Variants in LIMCH1 observed in about 807,000 individuals in gnomAD.
The protein encoded by LIMCH1 is LIM and calponin homology domains 1.
LIMCH1 carries 113 observed loss-of-function variants against 176.5 expected under a neutral mutation model. The ratio of observed to expected loss-of-function variants is 0.64; its 90% CI spans 0.55 to 0.75. LIMCH1 has a LOEUF of 0.75. Among genes scored for constraint, LIMCH1 ranks in the 30% least tolerant of loss-of-function variants. LIMCH1 has a pLI of 0.00. For synonymous variants in LIMCH1, 619 were observed against 645.9 expected (o/e 0.96, Z 0.63); for missense variants, 1,674 against 1,814.9 (o/e 0.92, Z 1.41).
At chr4:41,691,592 CAAAAAAAAAA>C (rs796984431) in intron 30 of LIMCH1, among the ~76,000 whole-genome samples, 2 of 62,392 alleles carry the variant, frequency 3.2e-5, no homozygotes, top group Admixed American at 4.0e-4. Context: ...ACTAAAAATA[CAAAAAAAAAA>C]AAAAAAAAAA....
At chr4:41,692,241 T>G (rs368504184) in intron 30 of LIMCH1, 41 bp from the exon 31 acceptor site, 1 of 1,162,208 alleles carries the variant, frequency 8.6e-7, no homozygotes, top group African/African-American at 1.5e-5. Flanking sequence ...AAGAAACAAT[T>G]CCTTATGCAT....
intron 1 of LIMCH1, among the ~76,000 whole-genome samples, chr4:41,478,169 A>G (rs1328790816): frequency 6.6e-6 from 1 of 152,234 alleles, no homozygotes; most frequent in Non-Finnish European, 1.5e-5. Flanking sequence ...AGTACAGAGA[A>G]TTACATGAAA....
At chr4:41,551,170 G>C (rs2080359271) in intron 1 of LIMCH1, 1 of 152,160 alleles carries the variant, frequency 6.6e-6, no homozygotes, top group Non-Finnish European at 1.5e-5. Context: ...TAAAGTCATT[G>C]TCAAGGCAGC....
At chr4:41,677,813 A>G (rs866391634) in intron 23 of LIMCH1, among the ~76,000 whole-genome samples, 13 of 152,188 alleles carry the variant, frequency 8.5e-5, no homozygotes, top group African/African-American at 3.1e-4. Context: ...CTTCTACTAC[A>G]TTCCCACTAG....
intron 1 of LIMCH1, among the ~76,000 whole-genome samples, chr4:41,598,424 A>G (rs1394037639): frequency 6.6e-6 from 1 of 152,098 alleles, no homozygotes. Context: ...ATCCACAAAG[A>G]GGTATTACTA....
chr4:41,492,130 C>T (rs1034770012), intron 1 of LIMCH1, among the ~76,000 whole-genome samples: 3 of 152,184 alleles, frequency 2.0e-5, no homozygotes, highest in African/African-American at 7.2e-5. Flanking sequence ...ATTGAGTGAG[C>T]GAGACTCCGT....
chr4:41,596,855 G>C (rs914886701), intron 1 of LIMCH1, among the ~76,000 whole-genome samples: 1 of 152,130 alleles, frequency 6.6e-6, no homozygotes, highest in African/African-American at 2.4e-5. Flanking sequence ...TGTGAACAAT[G>C]GCATCTCTTG....
intron 7 of LIMCH1, among the ~76,000 whole-genome samples, chr4:41,624,153 C>CT (rs1001828291): frequency 8.2e-4 from 125 of 152,048 alleles, no homozygotes; most frequent in African/African-American, 2.7e-3. Flanking sequence ...GAGAAGTAAA[C>CT]TTTTTTTTGA....
intron 18 of LIMCH1, among the ~76,000 whole-genome samples, chr4:41,651,002 AT>A (rs1354816226): frequency 1.3e-5 from 2 of 150,894 alleles, no homozygotes; most frequent in Non-Finnish European, 2.9e-5. Context: ...TCCCTATTTT[AT>A]TTTATTTTAT....
intron 1 of LIMCH1, among the ~76,000 whole-genome samples, chr4:41,487,931 T>TC (rs2070001762): frequency 6.7e-6 from 1 of 148,524 alleles, no homozygotes; most frequent in African/African-American, 2.5e-5. Context: ...TTTTTTTTTT[T>TC]CTATAGATTC....
At chr4:41,373,405 C>T (rs1183146236) in intron 1 of LIMCH1, among the ~76,000 whole-genome samples, 2 of 152,176 alleles carry the variant, frequency 1.3e-5, no homozygotes, top group Admixed American at 6.5e-5. Context: ...GTCCTGGCAC[C>T]GAAGATAGGA....
intron 1 of LIMCH1, among the ~76,000 whole-genome samples, chr4:41,590,696 A>T (rs2087383100): frequency 6.6e-6 from 1 of 152,168 alleles, no homozygotes; most frequent in Non-Finnish European, 1.5e-5. Context: ...CCCAGCTGCC[A>T]CCTTCTGGGT....
chr4:41,685,716 C>G lies in LIMCH1; in HGVS notation c.3974C>G (p.Ser1325Cys). 2.5e-6 allele frequency: 4 copies of G among 1,613,500 alleles called. No homozygotes were observed. The South Asian group carries it at 4.4e-5, about 18-fold the overall frequency. ...GTTCTTTAATTGGCCTCAGATCCAT[C>G]CCAGAATCAGCAGACATCAAATCCA... ...GTNPQLAQDP[S>C]QNQQTSNPTH... Residue 1325 changes from serine to cysteine, a missense_variant, in exon 28 of 32, where the codon TCC (serine) becomes TGC (cysteine). Ser to Cys is a moderately radical substitution (Grantham distance 112, BLOSUM62 -1). This residue lies in a region of LIMCH1 where 1,015 missense variants were observed against 1,102.5 expected (regional missense o/e 0.92). Transcript: ENST00000503057.
intron 1 of LIMCH1, among the ~76,000 whole-genome samples, chr4:41,555,807 G>A (rs951984880): frequency 7.9e-5 from 12 of 152,058 alleles, no homozygotes; most frequent in Admixed American, 3.3e-4. Context: ...GTGCAGCGGC[G>A]TGATCACAGC....
At chr4:41,555,390 T>C (rs1022922798) in intron 1 of LIMCH1, among the ~76,000 whole-genome samples, 9 of 152,210 alleles carry the variant, frequency 5.9e-5, no homozygotes, top group Admixed American at 5.2e-4. Flanking sequence ...TTAGAGCTAG[T>C]TGACCGCCTT....
At chr4:41,583,738 A>G (rs1427382510) in intron 1 of LIMCH1, among the ~76,000 whole-genome samples, 2 of 152,106 alleles carry the variant, frequency 1.3e-5, no homozygotes, top group African/African-American at 2.4e-5. Flanking sequence ...TTGAAAACAT[A>G]AAAGGAGTGG....
intron 2 of LIMCH1, among the ~76,000 whole-genome samples, chr4:41,520,251 C>G (rs921947319): frequency 2.0e-5 from 3 of 152,140 alleles, no homozygotes; most frequent in Admixed American, 2.0e-4. Context: ...CTTCTACTCA[C>G]TCTCCTCAGC....
At chr4:41,620,385 G>T in intron 6 of LIMCH1, 39 bp from the exon 7 acceptor site, 1 of 1,521,972 alleles carries the variant, frequency 6.6e-7, no homozygotes, top group Non-Finnish European at 8.8e-7. Flanking sequence ...CCCCAGCCCA[G>T]TCTGTTAGTT....
chr4:41,560,136 T>C (rs2081877740), intron 1 of LIMCH1, among the ~76,000 whole-genome samples: 1 of 152,168 alleles, frequency 6.6e-6, no homozygotes, highest in Admixed American at 6.6e-5. Context: ...TTATGTCCTT[T>C]ATTGGCAGCA....
Sources: gnomAD v4.1 joint callset for allele counts (sites outside exome capture counted in the v4.1 genomes callset) on GRCh38, gnomAD v4.1.1 for gene constraint, gnomAD v4.1.1 regional missense constraint, MANE v1.5 for transcripts, NCBI Gene and HGNC (gene_info 2026-07-23, HGNC 2026-07-21) for gene names.